The following CEP85L variants were observed in gnomAD, a reference collection of about 807,000 sequenced individuals.
CEP85L encodes the protein centrosomal protein 85L.
In CEP85L, 60 loss-of-function variants were observed where a neutral mutation model predicts 100.3. The observed-to-expected ratio is 0.60, with a 90% CI of 0.49 to 0.74. The LOEUF is 0.74. Among genes scored for constraint, CEP85L ranks in the 30% least tolerant of loss-of-function variants. CEP85L has a pLI of 0.00. For synonymous variants in CEP85L, 319 were observed against 322.7 expected, an observed-to-expected ratio of 0.99 and a Z score of 0.12; for missense variants, 973 against 936.2, an observed-to-expected ratio of 1.04 and a Z score of -0.51.
chr6:118,486,960 A>G (rs1210401867), intron 6 of CEP85L, among the ~76,000 whole-genome samples: 1 of 152,190 alleles, frequency 6.6e-6, no homozygotes, highest in African/African-American at 2.4e-5. Context: ...GAATGGTGCT[A>G]CATACGCCAC....
At chr6:118,502,886 G>C (rs1255144121) in intron 5 of CEP85L, 3 of 532,350 alleles carry the variant, frequency 5.6e-6, no homozygotes, top group Non-Finnish European at 1.1e-5. Flanking sequence ...TTTAACAGAA[G>C]ATCTTGAAGA....
chr6:118,667,801 T>G (rs1486943326), intron 1 of CEP85L, among the ~76,000 whole-genome samples: 1 of 152,198 alleles, frequency 6.6e-6, no homozygotes, highest in Non-Finnish European at 1.5e-5. Context: ...TACTACCCAC[T>G]GTGTGTCTGG....
intron 3 of CEP85L, among the ~76,000 whole-genome samples, chr6:118,558,656 CACACAGAG>C (rs764977061): frequency 0.029 from 3,900 of 133,698 alleles, 68 homozygotes; most frequent in South Asian, 0.07. Context: ...CACACACACA[CACACAGAG>C]AGAGAGAGAG....
rs1777041888 is a variant in CEP85L, at chr6:118,527,409, GGGGTT to G, written c.1021-3494_1021-3490del. Among the ~76,000 whole-genome samples, 6 of 151,990 alleles carry G rather than the reference GGGGTT, an allele frequency of 3.9e-5. No homozygotes were observed. The South Asian group carries it at 1.2e-3, about 32-fold the overall frequency. On this transcript the variant is annotated intron_variant, in intron 3 of 12. Transcript: ENST00000368491. ...GCCTCCCAGGCTGAACCCTAGTTTTGGGGTTTTCCCTGTGGCACTATGGCCTAATT... is the reference window on the plus strand; with the variant it reads ...GCCTCCCAGGCTGAACCCTAGTTTTGTTCCCTGTGGCACTATGGCCTAATT...
intron 3 of CEP85L, among the ~76,000 whole-genome samples, chr6:118,543,837 C>CAAAT (rs1778044412): frequency 6.6e-6 from 1 of 152,164 alleles, no homozygotes; most frequent in Non-Finnish European, 1.5e-5. Flanking sequence ...GAATGACAAT[C>CAAAT]AAATGTGCAC....
chr6:118,662,761 A>T (rs12210025), intron 1 of CEP85L, among the ~76,000 whole-genome samples: 2 of 152,076 alleles, frequency 1.3e-5, no homozygotes, highest in African/African-American at 4.8e-5. Context: ...ACATATGGAC[A>T]TGGGAGTGCA....
intron 1 of CEP85L, among the ~76,000 whole-genome samples, chr6:118,678,851 G>T (rs1776559327): frequency 6.6e-6 from 1 of 152,226 alleles, no homozygotes; most frequent in Non-Finnish European, 1.5e-5. Context: ...AGAATCTCTT[G>T]AACCCGGGAG....
intron 5 of CEP85L, among the ~76,000 whole-genome samples, chr6:118,495,447 T>C (rs2114630406): frequency 6.6e-6 from 1 of 152,272 alleles, no homozygotes; most frequent in Middle Eastern, 3.4e-3. Context: ...TCTCTTGAGA[T>C]CTGATGGTCT....
At chr6:118,598,000 TAA>T (rs1429042336) in intron 2 of CEP85L, among the ~76,000 whole-genome samples, 1 of 152,202 alleles carries the variant, frequency 6.6e-6, no homozygotes, top group Non-Finnish European at 1.5e-5. Context: ...CTTCAAAAAA[TAA>T]AAGAGTTTGT....
intron 1 of CEP85L, among the ~76,000 whole-genome samples, chr6:118,676,130 A>G (rs1271937283): frequency 6.6e-6 from 1 of 152,150 alleles, no homozygotes; most frequent in African/African-American, 2.4e-5. Context: ...ATAATTGTAT[A>G]TATTTATGGG....
At chr6:118,658,992 C>T (rs965203446) in intron 1 of CEP85L, among the ~76,000 whole-genome samples, 1 of 152,092 alleles carries the variant, frequency 6.6e-6, no homozygotes, top group African/African-American at 2.4e-5. Flanking sequence ...TTTTAACATA[C>T]TACCTAAAAC....
At chr6:118,513,841 A>G (rs1295173430) in intron 4 of CEP85L, among the ~76,000 whole-genome samples, 1 of 152,158 alleles carries the variant, frequency 6.6e-6, no homozygotes, top group Non-Finnish European at 1.5e-5. Flanking sequence ...ACCAGAAATG[A>G]TAAACACATG....
chr6:118,698,057 T>G (rs1777273552), intron 1 of CEP85L, among the ~76,000 whole-genome samples: 1 of 152,216 alleles, frequency 6.6e-6, no homozygotes. Context: ...AGCTGCAGCC[T>G]GGACCAGCTG....
In CEP85L at chr6:118,632,602, T is replaced by C; in HGVS notation, c.83A>G (p.Tyr28Cys). Reference sequence around the variant, plus strand: ...ATTAGCAGGTAGCCATGCTGATGAATAATCTGGGCCTAAAAAGGGAAATAT... The same window carrying C: ...ATTAGCAGGTAGCCATGCTGATGAACAATCTGGGCCTAAAAAGGGAAATAT... ...GARSFPAGPD[Y>C]SSAWLPANES... The change falls in exon 2 of 13, where the codon TAT becomes TGT. Residue 28 changes from tyrosine (Y) to cysteine (C), a missense_variant. Coordinates refer to ENST00000368491, the MANE Select transcript of CEP85L (RefSeq NM_001042475.3). 1 of 1,609,108 alleles carries C rather than the reference T, an allele frequency of 6.2e-7. No individual in the cohort carries two copies. Among genetic ancestry groups the C allele is most frequent in the East Asian group, 2.2e-5 (1 of 44,810 alleles).
intron 3 of CEP85L, among the ~76,000 whole-genome samples, chr6:118,552,430 A>G (rs1007892629): frequency 4.6e-5 from 7 of 152,054 alleles, no homozygotes; most frequent in Non-Finnish European, 8.8e-5. Context: ...AGTTTTCAGA[A>G]GACTATTGAG....
intron 3 of CEP85L, among the ~76,000 whole-genome samples, chr6:118,540,281 G>A (rs764079848): frequency 2.2e-4 from 33 of 152,006 alleles, no homozygotes; most frequent in Non-Finnish European, 4.1e-4. Context: ...TTATTCATTT[G>A]TGCCCTGATA....
chr6:118,604,682 T>G (rs546096510), intron 2 of CEP85L, among the ~76,000 whole-genome samples: 1 of 152,206 alleles, frequency 6.6e-6, no homozygotes, highest in Non-Finnish European at 1.5e-5. Context: ...CTCTCCAGCA[T>G]AGCTAGGGGG....
At chr6:118,707,905 TC>T (rs1381624677) in intron 1 of CEP85L, among the ~76,000 whole-genome samples, 8 of 121,268 alleles carry the variant, frequency 6.6e-5, no homozygotes, top group East Asian at 5.1e-4. Flanking sequence ...TACTAAACTG[TC>T]AAAAATCTAA....
intron 1 of CEP85L, among the ~76,000 whole-genome samples, chr6:118,649,464 T>C (rs1465933637): frequency 6.6e-6 from 1 of 152,172 alleles, no homozygotes; most frequent in Non-Finnish European, 1.5e-5. Flanking sequence ...CTCTTCTTCC[T>C]AGAAAACAAT....
Sources: gnomAD v4.1 joint callset for allele counts (sites outside exome capture counted in the v4.1 genomes callset) on GRCh38, gnomAD v4.1.1 for gene constraint, MANE v1.5 for transcripts, NCBI Gene and HGNC (gene_info 2026-07-23, HGNC 2026-07-21) for gene names.